SLC17A6: variants seen among roughly 807,000 people sequenced by gnomAD.
SLC17A6 encodes the protein vesicular glutamate transporter 2.
Under a neutral mutation model 67.1 loss-of-function variants are expected in SLC17A6, and 35 were observed. The observed-to-expected ratio is 0.52, with a 90% CI of 0.40 to 0.69. The LOEUF is 0.69. Ranked by LOEUF, SLC17A6 falls within the 30% of genes least tolerant of loss-of-function variation. The probability of loss-of-function intolerance (pLI) is 0.00; values close to 1 mark genes in which losing one functional copy is unlikely to be tolerated. For synonymous variants in SLC17A6, 285 were observed against 252.3 expected, an observed-to-expected ratio of 1.13 and a Z score of -1.23; for missense variants, 588 against 723.9, an observed-to-expected ratio of 0.81 and a Z score of 2.15.
chr11:22,377,324 G>T (rs1856242235), intron 11 of SLC17A6, 81 bp from the exon 12 acceptor site: 2 of 1,285,076 alleles, frequency 1.6e-6, no homozygotes, highest in African/African-American at 1.5e-5. Flanking sequence ...TGAAAACTCA[G>T]TGGTGGTGCA....
At chr11:22,375,160 C>A (rs1379818569) in intron 9 of SLC17A6, among the ~76,000 whole-genome samples, 1 of 151,878 alleles carries the variant, frequency 6.6e-6, no homozygotes, top group African/African-American at 2.4e-5. Context: ...ATCACGAGGT[C>A]AGGAGTTCAA....
intron 3 of SLC17A6, among the ~76,000 whole-genome samples, chr11:22,343,913 C>A (rs754150337): frequency 6.6e-6 from 1 of 152,074 alleles, no homozygotes; most frequent in African/African-American, 2.4e-5. Flanking sequence ...TGCGTAGGGG[C>A]GGGCGTTGGG....
chr11:22,368,300 T>C (rs1422418390), intron 7 of SLC17A6, among the ~76,000 whole-genome samples: 3 of 152,084 alleles, frequency 2.0e-5, no homozygotes, highest in African/African-American at 7.2e-5. Context: ...GTTTTGAATC[T>C]GAATTTGATC....
intron 3 of SLC17A6, among the ~76,000 whole-genome samples, chr11:22,351,559 GGA>G (rs1855939399): frequency 6.6e-6 from 1 of 152,028 alleles, no homozygotes; most frequent in African/African-American, 2.4e-5. Context: ...ATGGACCCCA[GGA>G]TGTCTGATTT....
At chr11:22,358,229 G>A (rs972837016) in intron 3 of SLC17A6, among the ~76,000 whole-genome samples, 2 of 152,174 alleles carry the variant, frequency 1.3e-5, no homozygotes, top group Non-Finnish European at 1.5e-5. Context: ...GAGTTAGCAC[G>A]TCCCAAAACA....
chr11:22,350,975 A>C lies in SLC17A6; in HGVS notation c.458+7610A>C, dbSNP rs149602686. 8.5e-3 allele frequency among the ~76,000 whole-genome samples: 1,300 copies of C among 152,260 alleles called. 6 individuals are homozygous for C. Among genetic ancestry groups the C allele is most frequent in the Middle Eastern group, 0.024 (7 of 294 alleles). On this transcript the variant is annotated intron_variant, in intron 3 of 11. Coordinates refer to ENST00000263160, the MANE Select transcript of SLC17A6 (RefSeq NM_020346.3). ...ATAAAAATATACTGCCTGATATTAT[A>C]TAAAACTTACTTTTACAATTTAAAA...
At chr11:22,344,508 G>A (rs1246921581) in intron 3 of SLC17A6, among the ~76,000 whole-genome samples, 1 of 152,156 alleles carries the variant, frequency 6.6e-6, no homozygotes, top group Non-Finnish European at 1.5e-5. Context: ...TTAGGCTTAA[G>A]GATCCCTAGA....
intron 3 of SLC17A6, among the ~76,000 whole-genome samples, chr11:22,351,751 A>T (rs1348944): frequency 0.58 from 87,511 of 151,984 alleles, 27,475 homozygotes; most frequent in African/African-American, 0.84. Flanking sequence ...TTTACTTGGG[A>T]GGTTTTCATT....
At chr11:22,363,653 A>G (rs1856076831) in intron 6 of SLC17A6, among the ~76,000 whole-genome samples, 1 of 152,142 alleles carries the variant, frequency 6.6e-6, no homozygotes, top group South Asian at 2.1e-4. Context: ...AGAACAAATT[A>G]TTATGCTTGT....
At chr11:22,361,980 A>G (rs117060513) in intron 5 of SLC17A6, among the ~76,000 whole-genome samples, 5 of 152,292 alleles carry the variant, frequency 3.3e-5, no homozygotes, top group Non-Finnish European at 5.9e-5. Flanking sequence ...ATTTGAGTCT[A>G]AATCACAGGG....
rs748077876 is a variant in SLC17A6 at position 22,341,637 on chromosome 11, G to A, written c.196G>A (p.Gly66Ser). 7 of 1,613,684 alleles carry A rather than the reference G, an allele frequency of 4.3e-6. No homozygotes were observed. In the African/African-American group the frequency reaches 5.3e-5, roughly 12 times the overall value. The change falls in exon 2 of 12, where the codon GGC becomes AGC. Residue 66 changes from glycine to serine, a missense_variant. Physicochemically the swap from Gly to Ser is moderately conservative, Grantham distance 56. This residue lies in a region of SLC17A6 where 117 missense variants were observed against 98.7 expected (regional missense o/e 1.19). Coordinates refer to ENST00000263160, the MANE Select transcript of SLC17A6 (RefSeq NM_020346.3). ...GCCGCTGTGCGACTGCACGTGCTTC[G>A]GCCTGCCCCGCCGCTACATTATCGC... is the stretch of plus-strand genomic sequence containing the variant. The part of the protein sequence containing the change: ...KAPLCDCTCF[G>S]LPRRYIIAIM...
In SLC17A6 at chr11:22,378,598, G is replaced by C. The variant is rs1446695683; in HGVS notation, c.*858G>C. On this transcript the variant is annotated 3_prime_UTR_variant, in exon 12 of 12. Transcript: ENST00000263160. ...ATATACACCACAAAGAATCTAATAA[G>C]AAATTTATTATGGAGATATAGCCCT... 1 of 152,182 alleles carries C rather than the reference G, an allele frequency of 6.6e-6. No individual in the cohort carries two copies. Among genetic ancestry groups the C allele is most frequent in the African/African-American group, 2.4e-5 (1 of 41,322 alleles). The allele number at this position is 152,182 out of a possible 1,614,324, so 9.4% of individuals were successfully genotyped here.
chr11:22,350,356 T>A (rs1207494677), intron 3 of SLC17A6, among the ~76,000 whole-genome samples: 1 of 151,996 alleles, frequency 6.6e-6, no homozygotes, highest in Non-Finnish European at 1.5e-5. Context: ...GAAGGGAAAG[T>A]GTATGTGTGT....
chr11:22,368,983 T>C (rs1405409758), intron 7 of SLC17A6, among the ~76,000 whole-genome samples: 1 of 152,062 alleles, frequency 6.6e-6, no homozygotes, highest in Admixed American at 6.5e-5. Flanking sequence ...AAAGGCTTAA[T>C]TACAGCCACA....
Position 22,343,379 on chromosome 11 carries a change from C to A in SLC17A6, c.458+14C>A. On this transcript the variant is annotated intron_variant, in intron 3 of 11. Transcript: ENST00000263160. ...GGCAGCCAACAGGTAATGCGCCAGG[C>A]GGGACTGGGGCTCGGGGCGTGGTGT... The A allele has an allele frequency of 6.3e-7, 1 of 1,596,942 alleles. No individual in the cohort carries two copies. Among genetic ancestry groups the A allele is most frequent in the Non-Finnish European group, 8.5e-7 (1 of 1,170,826 alleles).
At chr11:22,373,182 A>G (rs1856193383) in intron 8 of SLC17A6, among the ~76,000 whole-genome samples, 1 of 152,208 alleles carries the variant, frequency 6.6e-6, no homozygotes, top group African/African-American at 2.4e-5. Flanking sequence ...AGGATTTTCA[A>G]TTAAAAAACT....
chr11:22,339,812 G>A (rs939359258), intron 1 of SLC17A6, among the ~76,000 whole-genome samples: 1 of 152,030 alleles, frequency 6.6e-6, no homozygotes, highest in African/African-American at 2.4e-5. Flanking sequence ...CAGTCCCACA[G>A]CTACCATGGA....
At chr11:22,373,463 A>G (rs1856196521) in intron 8 of SLC17A6, among the ~76,000 whole-genome samples, 1 of 147,656 alleles carries the variant, frequency 6.8e-6, no homozygotes. Flanking sequence ...AGCAATAATG[A>G]TTTTTTTTTT....
intron 1 of SLC17A6, among the ~76,000 whole-genome samples, chr11:22,339,598 AC>A (rs1855789369): frequency 6.6e-6 from 1 of 152,218 alleles, no homozygotes; most frequent in Non-Finnish European, 1.5e-5. Context: ...CAAAATCAAG[AC>A]GACAGGGCAG....
Sources: allele counts gnomAD v4.1 joint callset (sites outside exome capture counted in the v4.1 genomes callset), GRCh38; gene constraint gnomAD v4.1.1; regional missense constraint gnomAD v4.1.1; transcripts MANE v1.5; gene names NCBI Gene and HGNC (gene_info 2026-07-23, HGNC 2026-07-21).